SLCO4C1: variants seen among roughly 807,000 people sequenced by gnomAD.
SLCO4C1 encodes the protein organic anion transporter M1.
SLCO4C1 carries 58 observed loss-of-function variants against 72.1 expected under a neutral mutation model. That is an observed-to-expected ratio of 0.80 (90% CI 0.65 to 1.00). The LOEUF (loss-of-function observed/expected upper bound fraction) is 1.00, where lower values mean the gene tolerates loss of function less well. Among genes scored for constraint, SLCO4C1 ranks in the 50% least tolerant of loss-of-function variants. The probability of loss-of-function intolerance (pLI) is 0.00; values close to 1 mark genes in which losing one functional copy is unlikely to be tolerated. For missense variants in SLCO4C1, 898 were observed against 857.9 expected (o/e 1.05, Z -0.58); for synonymous variants, 297 against 312.5 (o/e 0.95, Z 0.52).
chr5:102,257,473 G>A (rs911822961), intron 7 of SLCO4C1, among the ~76,000 whole-genome samples, 163 bp from the exon 8 acceptor site: 1 of 152,020 alleles, frequency 6.6e-6, no homozygotes, highest in African/African-American at 2.4e-5. Flanking sequence ...CCATCAAGTA[G>A]GGAATTAGTC....
At chr5:102,280,049 T>C (rs1335402995) in intron 2 of SLCO4C1, among the ~76,000 whole-genome samples, 1 of 136,864 alleles carries the variant, frequency 7.3e-6, no homozygotes, top group Non-Finnish European at 1.5e-5. Context: ...TCACCATTCT[T>C]ACTCAAAATA....
At chr5:102,263,568 C>G in intron 4 of SLCO4C1, 116 bp downstream of exon 4, 4 of 742,996 alleles carry the variant, frequency 5.4e-6, no homozygotes, top group Non-Finnish European at 8.5e-6. Context: ...AATTTTGTTT[C>G]CTGAATAATT....
chr5:102,240,963 A>G (rs1244165459), intron 10 of SLCO4C1, among the ~76,000 whole-genome samples, 181 bp from the exon 11 acceptor site: 1 of 152,140 alleles, frequency 6.6e-6, no homozygotes, highest in Non-Finnish European at 1.5e-5. Flanking sequence ...AAAGAAGAAA[A>G]ATGTTATCTG....
chr5:102,291,555 C>A lies in SLCO4C1; in HGVS notation c.407G>T (p.Arg136Leu). The A allele has an allele frequency of 6.2e-7, 1 of 1,613,868 alleles. No individual in the cohort carries two copies. Residue 136 changes from arginine to leucine, a missense_variant, in exon 2 of 13, where the codon CGT becomes CTT. Physicochemically the swap from Arg to Leu is moderately radical, Grantham distance 102. Transcript: ENST00000310954. ...AGTCAGGGAACTCTTCATTTCATAA[C>A]GCTTCTCAACAGTGGAAATGCTAAT... is the stretch of plus-strand genomic sequence containing the variant. ...VNISISTVEK[R>L]YEMKSSLTGL... is the part of the protein sequence containing the mutation.
intron 1 of SLCO4C1, among the ~76,000 whole-genome samples, chr5:102,294,882 A>G (rs937967850): frequency 1.3e-5 from 2 of 152,190 alleles, no homozygotes; most frequent in Non-Finnish European, 2.9e-5. Flanking sequence ...GCTGTTTCCA[A>G]CCCTCTAAAA....
intron 2 of SLCO4C1, among the ~76,000 whole-genome samples, chr5:102,283,068 A>C (rs1334312270): frequency 6.6e-6 from 1 of 151,934 alleles, no homozygotes; most frequent in Non-Finnish European, 1.5e-5. Flanking sequence ...ACACCAAATG[A>C]ATTATTTTCT....
chr5:102,237,143 T>C (rs914844480), intron 12 of SLCO4C1, 125 bp from the exon 13 acceptor site: 2 of 1,021,714 alleles, frequency 2.0e-6, no homozygotes, highest in African/African-American at 1.7e-5. Flanking sequence ...TATAGTTCTA[T>C]GTTTAAAATT....
intron 2 of SLCO4C1, among the ~76,000 whole-genome samples, chr5:102,273,480 A>C (rs1175059980): frequency 1.3e-5 from 2 of 152,180 alleles, no homozygotes; most frequent in African/African-American, 4.8e-5. Flanking sequence ...GAAGGAAATA[A>C]AAAACATAAG....
At chr5:102,278,188 A>G (rs1749284176) in intron 2 of SLCO4C1, among the ~76,000 whole-genome samples, 1 of 152,224 alleles carries the variant, frequency 6.6e-6, no homozygotes, top group African/African-American at 2.4e-5. Flanking sequence ...CCAAGCATTA[A>G]TCAAAATAAT....
At chr5:102,252,577 C>T (rs1274452461) in intron 8 of SLCO4C1, among the ~76,000 whole-genome samples, 1 of 152,158 alleles carries the variant, frequency 6.6e-6, no homozygotes, top group African/African-American at 2.4e-5. Context: ...ATCCCTGCAA[C>T]TCTAGAAATA....
chr5:102,244,893 G>T (rs1748610057), intron 10 of SLCO4C1, among the ~76,000 whole-genome samples: 1 of 152,080 alleles, frequency 6.6e-6, no homozygotes, highest in African/African-American at 2.4e-5. Context: ...ATGCTAAAGG[G>T]TGTACTTCAA....
intron 5 of SLCO4C1, among the ~76,000 whole-genome samples, chr5:102,261,618 C>T (rs547188281): frequency 1.3e-5 from 2 of 151,880 alleles, no homozygotes; most frequent in South Asian, 4.2e-4. Context: ...GACGTTGTAC[C>T]TTGCATACAC....
Position 102,236,661 on chromosome 5 carries a change from C to CG in SLCO4C1, c.*196dup. On this transcript the variant is annotated 3_prime_UTR_variant, in exon 13 of 13. Transcript: ENST00000310954. Reference sequence around the variant, plus strand: ...GTGTGTGCTGTGTTTTGAGGCTTTACGTGGGCTTTGAAGGCACAGGTCTGT... The same window carrying CG: ...GTGTGTGCTGTGTTTTGAGGCTTTACGGTGGGCTTTGAAGGCACAGGTCTGT... The CG allele has an allele frequency of 2.2e-6, 1 of 459,448 alleles. No individual in the cohort carries two copies. The highest frequency in any genetic ancestry group is 4.5e-5 in the East Asian group (1 of 22,272). 28.5% of individuals were successfully genotyped at this position (459,448 alleles called of 1,614,324 possible). A position where few individuals can be genotyped will look rare whatever the true frequency, so the allele number is the denominator to read the frequency against.
chr5:102,261,850 G>C, intron 5 of SLCO4C1, 62 bp downstream of exon 5: 1 of 1,498,182 alleles, frequency 6.7e-7, no homozygotes, highest in African/African-American at 1.4e-5. Flanking sequence ...TAATCATATA[G>C]AAAATAGCAA....
Position 102,234,405 on chromosome 5 carries a change from A to T in SLCO4C1, c.*2453T>A, listed in dbSNP as rs1748396401. The T allele has an allele frequency of 6.6e-6, 1 of 152,652 alleles. No homozygotes were observed. Among genetic ancestry groups the T allele is most frequent in the African/African-American group, 2.4e-5 (1 of 41,458 alleles). 9.5% of individuals were successfully genotyped at this position (152,652 alleles called of 1,614,324 possible). The stretch of plus-strand genomic sequence containing the variant: ...GTTATAAAGGAGGTATTCTTTTAAA[A>T]TATGTACCTTATATATAAAAGCTCC... On this transcript the variant is annotated 3_prime_UTR_variant, in exon 13 of 13. Coordinates refer to ENST00000310954, the MANE Select transcript of SLCO4C1 (RefSeq NM_180991.5).
rs1748987472 is a variant in SLCO4C1 at position 102,263,879 on chromosome 5, C to G, written c.803-99G>C. On this transcript the variant is annotated intron_variant, in intron 3 of 12. Coordinates refer to ENST00000310954, the MANE Select transcript of SLCO4C1 (RefSeq NM_180991.5). The stretch of plus-strand genomic sequence containing the variant: ...ATATTTTACTACAGAAAAATCTAAA[C>G]AATTAAACATATCAAAATCACACAT... The G allele has an allele frequency of 1.2e-5, 10 of 824,394 alleles. No individual in the cohort carries two copies. The Admixed American group carries it at 1.3e-4, about 11-fold the overall frequency. The allele number at this position is 824,394 out of a possible 1,614,324, so 51.1% of individuals were successfully genotyped here. A position where few individuals can be genotyped will look rare whatever the true frequency, so the allele number is the denominator to read the frequency against.
intron 1 of SLCO4C1, among the ~76,000 whole-genome samples, chr5:102,292,622 A>G (rs1749577130): frequency 1.4e-5 from 2 of 137,952 alleles, no homozygotes; most frequent in Non-Finnish European, 3.1e-5. Context: ...TGCATTCTAA[A>G]TTGTATGCAA....
intron 10 of SLCO4C1, among the ~76,000 whole-genome samples, chr5:102,243,578 C>T (rs1748585781): frequency 6.6e-6 from 1 of 152,144 alleles, no homozygotes; most frequent in African/African-American, 2.4e-5. Context: ...AATTAGAACA[C>T]CCAAGTCCTT....
chr5:102,286,656 T>A (rs1749457640), intron 2 of SLCO4C1, among the ~76,000 whole-genome samples: 1 of 152,038 alleles, frequency 6.6e-6, no homozygotes, highest in Non-Finnish European at 1.5e-5. Context: ...ATACTACCTC[T>A]TTTTTTAGTC....
Sources: allele counts gnomAD v4.1 joint callset (sites outside exome capture counted in the v4.1 genomes callset), GRCh38; gene constraint gnomAD v4.1.1; transcripts MANE v1.5; gene names NCBI Gene and HGNC (gene_info 2026-07-23, HGNC 2026-07-21).